Variants in ALDH1A2 observed in about 807,000 individuals in gnomAD.
ALDH1A2 encodes retinal dehydrogenase 2.
A neutral mutation model predicts 60.3 loss-of-function variants in ALDH1A2; 27 were observed. That is an observed-to-expected ratio of 0.45 (90% CI 0.33 to 0.62). ALDH1A2 has a LOEUF of 0.62. ALDH1A2 is among the 20% of genes least tolerant of loss of function. The probability of loss-of-function intolerance (pLI) is 0.02; values close to 1 mark genes in which losing one functional copy is unlikely to be tolerated. For missense variants in ALDH1A2, 581 were observed against 643.8 expected (o/e 0.90, Z 1.06); for synonymous variants, 289 against 232.4 (o/e 1.24, Z -2.21).
chr15:58,008,967 G>A (rs1341096197), intron 4 of ALDH1A2, among the ~76,000 whole-genome samples: 2 of 152,038 alleles, frequency 1.3e-5, no homozygotes, highest in African/African-American at 2.4e-5. Flanking sequence ...CTAAGATTCT[G>A]ACTTTCCCCA....
Position 57,961,308 on chromosome 15 carries a change from A to G in ALDH1A2, c.1252-14T>C, listed in dbSNP as rs548053383. The G allele has an allele frequency of 7.1e-5, 114 of 1,613,074 alleles. 2 individuals carry two copies. In the South Asian group the frequency reaches 1.2e-3, roughly 17 times the overall value. On this transcript the variant is annotated splice_polypyrimidine_tract_variant and intron_variant, in intron 10 of 12. Coordinates refer to ENST00000249750, the MANE Select transcript of ALDH1A2 (RefSeq NM_003888.4). ...AGGGCCAAAGATCTGCAAAAAGATA[A>G]TATGACTCAACATGGTTGCTCTGTC...
At chr15:58,035,876 T>A (rs1412691956) in intron 1 of ALDH1A2, among the ~76,000 whole-genome samples, 4 of 151,710 alleles carry the variant, frequency 2.6e-5, no homozygotes, top group Non-Finnish European at 5.9e-5. Flanking sequence ...AATGTGCATT[T>A]TGCTGATGCT....
Position 57,971,901 on chromosome 15 carries a change from A to AT in ALDH1A2, c.799-6075dup, listed in dbSNP as rs539823009. ...ACCAAGCCTGGCTAATTTATTTTTT[A>AT]TTTTTTTTTGCAAAGACTGGGGCTT... On this transcript the variant is annotated intron_variant, in intron 7 of 12. Transcript: ENST00000249750. 5.0e-3 allele frequency among the ~76,000 whole-genome samples: 759 copies of AT among 150,532 alleles called. 6 individuals are homozygous for AT. Among genetic ancestry groups the AT allele is most frequent in the African/African-American group, 0.017 (691 of 40,920 alleles).
chr15:57,964,678 T>C (rs1893837070), intron 8 of ALDH1A2: 1 of 153,152 alleles, frequency 6.5e-6, no homozygotes, highest in South Asian at 2.1e-4. Flanking sequence ...CTAAATTTCC[T>C]CTAGATTGAC....
Position 57,954,823 on chromosome 15 carries a change from A to C in ALDH1A2, c.*374T>G, listed in dbSNP as rs1893463262. The C allele has an allele frequency of 3.5e-6, 1 of 289,630 alleles. No individual in the cohort carries two copies. The highest frequency in any genetic ancestry group is 2.1e-5 in the African/African-American group (1 of 46,704). The allele number at this position is 289,630 out of a possible 1,614,324, so 17.9% of individuals were successfully genotyped here. On this transcript the variant is annotated 3_prime_UTR_variant, in exon 13 of 13. Transcript: ENST00000249750. Reference sequence around the variant, plus strand: ...GCGAGGAGGGCCTGGAAGGAGGAAAATGAAGACAGGAGAAAGGTCACCTTT... The same window carrying C: ...GCGAGGAGGGCCTGGAAGGAGGAAACTGAAGACAGGAGAAAGGTCACCTTT...
At chr15:57,989,713 C>T (rs1420000718) in intron 7 of ALDH1A2, among the ~76,000 whole-genome samples, 2 of 151,984 alleles carry the variant, frequency 1.3e-5, no homozygotes, top group African/African-American at 4.8e-5. Context: ...ATGTTATATT[C>T]AGATGAGTTG....
At chr15:57,989,260 T>C (rs1181827395) in intron 7 of ALDH1A2, among the ~76,000 whole-genome samples, 1 of 152,186 alleles carries the variant, frequency 6.6e-6, no homozygotes. Flanking sequence ...GTGATGAACA[T>C]TACAACAAAT....
At position 57,985,481 on chromosome 15, in the gene ALDH1A2, G is replaced by A. The variant is rs1173583898; in HGVS notation, c.798+7224C>T. On this transcript the variant is annotated intron_variant, in intron 7 of 12. Transcript: ENST00000249750. ...TCCCATGACCCTGAGAAACAGGTAT[G>A]TATGCTATTATTAAACCAATTTTGT... Among the ~76,000 whole-genome samples the A allele has an allele frequency of 2.0e-5, 3 of 152,130 alleles. 1 individual carries two copies. The highest frequency in any genetic ancestry group is 4.1e-4 in the South Asian group (2 of 4,830).
chr15:57,976,459 C>A (rs1358801663), intron 7 of ALDH1A2, among the ~76,000 whole-genome samples: 1 of 152,174 alleles, frequency 6.6e-6, no homozygotes, highest in Admixed American at 6.5e-5. Context: ...ATGTTCCCCT[C>A]CCTGTGTCCA....
chr15:58,008,046 A>G (rs536463624), intron 4 of ALDH1A2, among the ~76,000 whole-genome samples: 11 of 152,154 alleles, frequency 7.2e-5, no homozygotes, highest in South Asian at 2.1e-4. Flanking sequence ...GGCAAGCCCA[A>G]ATGTATCTAA....
intron 12 of ALDH1A2, among the ~76,000 whole-genome samples, chr15:57,959,811 C>T (rs1182086618): frequency 2.0e-5 from 3 of 152,112 alleles, no homozygotes; most frequent in Non-Finnish European, 4.4e-5. Flanking sequence ...TATAGTTTTG[C>T]TTGGGAGCTT....
At chr15:57,989,067 T>G (rs752501802) in intron 7 of ALDH1A2, among the ~76,000 whole-genome samples, 2 of 152,172 alleles carry the variant, frequency 1.3e-5, no homozygotes, top group African/African-American at 2.4e-5. Flanking sequence ...ACGAATCACT[T>G]GAACCCGGGA....
chr15:57,958,502 C>A (rs188625871), intron 12 of ALDH1A2, among the ~76,000 whole-genome samples: 1 of 152,130 alleles, frequency 6.6e-6, no homozygotes, highest in Non-Finnish European at 1.5e-5. Flanking sequence ...CAGCCCTCCC[C>A]ACAGCTCTCT....
At chr15:57,985,436 A>G (rs1227124572) in intron 7 of ALDH1A2, among the ~76,000 whole-genome samples, 1 of 152,180 alleles carries the variant, frequency 6.6e-6, no homozygotes, top group Non-Finnish European at 1.5e-5. Context: ...AAAATTTCCC[A>G]AACTCATATT....
chr15:58,009,180 C>T (rs1437323143), intron 4 of ALDH1A2, among the ~76,000 whole-genome samples: 1 of 151,980 alleles, frequency 6.6e-6, no homozygotes, highest in Non-Finnish European at 1.5e-5. Context: ...TTATTCTTAC[C>T]CTTGTCATAC....
At chr15:57,967,170 ATTT>A (rs34306826) in intron 7 of ALDH1A2, among the ~76,000 whole-genome samples, 10 of 141,690 alleles carry the variant, frequency 7.1e-5, no homozygotes, top group Non-Finnish European at 7.6e-5. Flanking sequence ...GACTGCCTGG[ATTT>A]TTTTTTTTTT....
Position 58,010,919 on chromosome 15 carries a change from T to A in ALDH1A2, c.364-141A>T, listed in dbSNP as rs532206197. On this transcript the variant is annotated intron_variant, in intron 3 of 12. Transcript: ENST00000249750. ...ACCTGGTCAACTATGAATTCTCAAATAAAAAGATTTCTAGTACTGCCAGTT... is the reference window on the plus strand; with the variant it reads ...ACCTGGTCAACTATGAATTCTCAAAAAAAAAGATTTCTAGTACTGCCAGTT... 114 of 1,156,172 alleles carry A rather than the reference T, an allele frequency of 9.9e-5. No individual in the cohort carries two copies. In the South Asian group the frequency reaches 1.0e-3, roughly 10 times the overall value. The allele number at this position is 1,156,172 out of a possible 1,614,324, so 71.6% of individuals were successfully genotyped here.
intron 1 of ALDH1A2, among the ~76,000 whole-genome samples, chr15:58,052,634 T>C (rs1030803985): frequency 2.0e-5 from 3 of 152,098 alleles, no homozygotes; most frequent in Non-Finnish European, 4.4e-5. Context: ...ATAGAATAGA[T>C]AATAAATGAT....
At chr15:58,018,292 T>C (rs1212036362) in intron 1 of ALDH1A2, among the ~76,000 whole-genome samples, 4 of 152,074 alleles carry the variant, frequency 2.6e-5, no homozygotes, top group African/African-American at 9.7e-5. Context: ...TTATGACCCA[T>C]AGAATGAAAA....
Sources: allele counts gnomAD v4.1 joint callset (sites outside exome capture counted in the v4.1 genomes callset), GRCh38; gene constraint gnomAD v4.1.1; transcripts MANE v1.5; gene names NCBI Gene and HGNC (gene_info 2026-07-23, HGNC 2026-07-21).